MTMR14: variants seen among roughly 807,000 people sequenced by gnomAD.
MTMR14 encodes myotubularin related protein 14, also known as phosphatidylinositol-3,5-bisphosphate 3-phosphatase MTMR14.
A neutral mutation model predicts 86.3 loss-of-function variants in MTMR14; 48 were observed. The ratio of observed to expected loss-of-function variants is 0.56; its 90% CI spans 0.44 to 0.71. The LOEUF (loss-of-function observed/expected upper bound fraction) is 0.71. MTMR14 is among the 30% of genes least tolerant of loss of function. The pLI, the probability that MTMR14 is intolerant of heterozygous loss-of-function variation, is 0.00. For synonymous variants in MTMR14, 366 were observed against 326.1 expected (o/e 1.12, Z -1.32); for missense variants, 780 against 834.6 (o/e 0.93, Z 0.81).
At position 9,690,160 on chromosome 3, in the gene MTMR14, C is replaced by A; in HGVS notation, c.1613+17C>A. The A allele has an allele frequency of 6.2e-7, 1 of 1,613,140 alleles. No individual in the cohort carries two copies. The highest frequency in any genetic ancestry group is 8.5e-7 in the Non-Finnish European group (1 of 1,179,852). On this transcript the variant is annotated intron_variant, in intron 17 of 18. Coordinates refer to ENST00000296003, the MANE Select transcript of MTMR14 (RefSeq NM_001077525.3). ...CAAACCCAGGTGAGGAGCTCCAAAGCCCTTGCTGTTGGAAGTGCCTAGCTT... is the reference window on the plus strand; with the variant it reads ...CAAACCCAGGTGAGGAGCTCCAAAGACCTTGCTGTTGGAAGTGCCTAGCTT...
rs1430057825 is a variant in MTMR14, at chr3:9,654,798, A to G, written c.308+1029A>G. ...ACGCAGAAGCTCATGCTCCAGAGCCACTGAGCCAGAATCACAGCAGAACAG... is the reference window on the plus strand; with the variant it reads ...ACGCAGAAGCTCATGCTCCAGAGCCGCTGAGCCAGAATCACAGCAGAACAG... On this transcript the variant is annotated intron_variant, in intron 2 of 18. Coordinates refer to ENST00000296003, the MANE Select transcript of MTMR14 (RefSeq NM_001077525.3). Among the ~76,000 whole-genome samples the G allele has an allele frequency of 3.3e-5, 5 of 152,254 alleles. No homozygotes were observed. In the East Asian group the frequency reaches 5.8e-4, roughly 18 times the overall value.
In MTMR14 at chr3:9,684,808, C is replaced by T. The variant is rs112866788; in HGVS notation, c.1051-80C>T. ...GTCCTTCCGGGTGTTCTTCAGCCTG[C>T]GTTGTCACTGGGTCTGGTTATGGTT... is the stretch of plus-strand genomic sequence containing the variant. On this transcript the variant is annotated intron_variant, in intron 11 of 18. Transcript: ENST00000296003. 3.6e-5 allele frequency: 56 copies of T among 1,556,310 alleles called. 1 individual carries two copies. Among genetic ancestry groups the T allele is most frequent in the African/African-American group, 2.6e-4 (19 of 73,794 alleles).
At chr3:9,687,713 A>G (rs985831275) in intron 13 of MTMR14, 108 bp from the exon 14 acceptor site, 7 of 856,168 alleles carry the variant, frequency 8.2e-6, no homozygotes, top group African/African-American at 5.0e-5. Context: ...GTCCCACAGC[A>G]GGGCCGCTCT....
At chr3:9,700,402 G>A (rs972017981) in intron 18 of MTMR14, 1 of 152,208 alleles carries the variant, frequency 6.6e-6, no homozygotes, top group South Asian at 2.1e-4. Flanking sequence ...CACTATGTGA[G>A]TACCTGAACT....
At position 9,649,708 on chromosome 3, in the gene MTMR14, G is replaced by A; in HGVS notation, c.125G>A (p.Arg42Gln). Residue 42 changes from arginine (R) to glutamine (Q), a missense_variant, in exon 1 of 19, where the codon CGG becomes CAG. Physicochemically the swap from Arg to Gln is conservative, Grantham distance 43. Coordinates refer to ENST00000296003, the MANE Select transcript of MTMR14 (RefSeq NM_001077525.3). ...LLEEFSRTQYRAKDGSGTGGS... is the reference protein window; with the variant it reads ...LLEEFSRTQYQAKDGSGTGGS... ...GAGGAGTTCTCCCGGACTCAGTACC[G>A]GGCCAAGGATGGCAGCGGGACCGGC... 1 of 1,613,090 alleles carries A rather than the reference G, an allele frequency of 6.2e-7. No individual in the cohort carries two copies. The highest frequency in any genetic ancestry group is 8.5e-7 in the Non-Finnish European group (1 of 1,179,674).
chr3:9,672,599 T>C, intron 6 of MTMR14, 86 bp from the exon 7 acceptor site: 2 of 1,183,138 alleles, frequency 1.7e-6, no homozygotes, highest in Non-Finnish European at 2.5e-6. Flanking sequence ...AGAAGCTTCA[T>C]TTGTGATTAT....
chr3:9,672,954 A>C (rs1188941997), intron 7 of MTMR14, among the ~76,000 whole-genome samples, 196 bp downstream of exon 7: 1 of 151,988 alleles, frequency 6.6e-6, no homozygotes, highest in East Asian at 1.9e-4. Context: ...GGGGCTTTCC[A>C]CTCAAGGGGT....
chr3:9,650,308 C>A (rs1028935618), intron 1 of MTMR14: 2 of 456,278 alleles, frequency 4.4e-6, no homozygotes, highest in African/African-American at 4.0e-5. Flanking sequence ...CTTTTTGCTC[C>A]CTTTGGGATT....
chr3:9,688,030 T>A, intron 14 of MTMR14, 139 bp downstream of exon 14: 1 of 775,644 alleles, frequency 1.3e-6, no homozygotes, highest in Non-Finnish European at 2.2e-6. Flanking sequence ...GCCTTCGCTC[T>A]GAGGCCAGGG....
intron 3 of MTMR14, among the ~76,000 whole-genome samples, chr3:9,665,110 C>T (rs1222711983): frequency 2.6e-5 from 4 of 151,912 alleles, no homozygotes; most frequent in African/African-American, 4.8e-5. Context: ...AGTGAAACCC[C>T]GTCTCTAATA....
At chr3:9,695,091 A>G (rs2076245989) in intron 17 of MTMR14, among the ~76,000 whole-genome samples, 2 of 152,216 alleles carry the variant, frequency 1.3e-5, no homozygotes. Flanking sequence ...TTTGCTGCTC[A>G]GGGCAAAAGA....
chr3:9,688,640 G>A, intron 14 of MTMR14, 56 bp from the exon 15 acceptor site: 1 of 1,600,436 alleles, frequency 6.2e-7, no homozygotes, highest in Non-Finnish European at 8.6e-7. Context: ...GGGAACGGGG[G>A]ACACAATAAG....
chr3:9,694,166 T>G (rs572336677), intron 17 of MTMR14, among the ~76,000 whole-genome samples: 37 of 152,342 alleles, frequency 2.4e-4, no homozygotes, highest in African/African-American at 8.2e-4. Flanking sequence ...ACCCACCCCT[T>G]ATCAGGAAGA....
chr3:9,668,392 T>G (rs958628725), intron 3 of MTMR14, among the ~76,000 whole-genome samples: 12 of 152,210 alleles, frequency 7.9e-5, no homozygotes, highest in African/African-American at 2.7e-4. Flanking sequence ...CCTCATGGGC[T>G]TGTTGTAAAA....
chr3:9,695,163 T>G (rs1173118257), intron 17 of MTMR14, among the ~76,000 whole-genome samples: 11 of 152,154 alleles, frequency 7.2e-5, no homozygotes, highest in Admixed American at 6.6e-4. Flanking sequence ...GGAAGGCTTT[T>G]CCTCCCTTCT....
chr3:9,692,825 G>A (rs1191911248), intron 17 of MTMR14, among the ~76,000 whole-genome samples: 1 of 152,204 alleles, frequency 6.6e-6, no homozygotes, highest in African/African-American at 2.4e-5. Context: ...ACCACCACCT[G>A]CTAACTGCTC....
chr3:9,687,978 TC>T, intron 14 of MTMR14, 87 bp downstream of exon 14: 3 of 1,122,270 alleles, frequency 2.7e-6, no homozygotes, highest in Non-Finnish European at 3.9e-6. Flanking sequence ...ACCACCTCAT[TC>T]CCGCCCTGCC....
intron 3 of MTMR14, among the ~76,000 whole-genome samples, chr3:9,663,301 G>T (rs1053027774): frequency 2.6e-5 from 4 of 151,922 alleles, no homozygotes; most frequent in Non-Finnish European, 4.4e-5. Flanking sequence ...TCCCTGGTGT[G>T]CCTTTTTTGT....
At chr3:9,669,538 G>A in intron 5 of MTMR14, 46 bp downstream of exon 5, 1 of 1,592,168 alleles carries the variant, frequency 6.3e-7, no homozygotes, top group Non-Finnish European at 8.6e-7. Context: ...TGGGGATGGG[G>A]TGTCTGGCCA....
Sources: gnomAD v4.1 joint callset for allele counts (sites outside exome capture counted in the v4.1 genomes callset) on GRCh38, gnomAD v4.1.1 for gene constraint, MANE v1.5 for transcripts, NCBI Gene and HGNC (gene_info 2026-07-23, HGNC 2026-07-21) for gene names.